The following DLGAP1 variants were observed in gnomAD, a reference collection of about 807,000 sequenced individuals.
DLGAP1 encodes disks large-associated protein 1.
A neutral mutation model predicts 90.8 loss-of-function variants in DLGAP1; 11 were observed. The ratio of observed to expected loss-of-function variants is 0.12; its 90% CI spans 0.08 to 0.20. DLGAP1 has a LOEUF of 0.20. DLGAP1 is among the 10% of genes least tolerant of loss of function. The pLI is 1.00. For synonymous variants in DLGAP1, 558 were observed against 540.7 expected, an observed-to-expected ratio of 1.03 and a Z score of -0.44; for missense variants, 1,050 against 1,333.8, an observed-to-expected ratio of 0.79 and a Z score of 3.31.
At chr18:3,609,209 A>AT (rs2057475369) in intron 7 of DLGAP1, among the ~76,000 whole-genome samples, 1 of 152,070 alleles carries the variant, frequency 6.6e-6, no homozygotes, top group South Asian at 2.1e-4. Flanking sequence ...ACAACCAGCC[A>AT]ATTTTTAAAC....
intron 2 of DLGAP1, among the ~76,000 whole-genome samples, chr18:4,108,561 T>A (rs1256452924): frequency 3.3e-5 from 5 of 151,792 alleles, no homozygotes; most frequent in Non-Finnish European, 2.9e-5. Context: ...CAGTAACATC[T>A]TGTATTTGTC....
intron 5 of DLGAP1, among the ~76,000 whole-genome samples, chr18:3,783,064 T>TA (rs752126710): frequency 4.6e-5 from 7 of 152,202 alleles, no homozygotes; most frequent in Admixed American, 6.5e-5. Flanking sequence ...CTCAAATGGT[T>TA]AGTCATTTGA....
chr18:3,713,945 C>T (rs970643928), intron 7 of DLGAP1, among the ~76,000 whole-genome samples: 2 of 152,124 alleles, frequency 1.3e-5, no homozygotes, highest in African/African-American at 4.8e-5. Flanking sequence ...GTCAGGATTC[C>T]GCCCTATTCT....
At chr18:3,763,828 A>AT (rs1411353600) in intron 5 of DLGAP1, among the ~76,000 whole-genome samples, 2 of 151,770 alleles carry the variant, frequency 1.3e-5, no homozygotes, top group East Asian at 1.9e-4. Context: ...TGCCTGGCTA[A>AT]TTTTTTTATA....
intron 7 of DLGAP1, among the ~76,000 whole-genome samples, chr18:3,695,299 T>C (rs1017214956): frequency 6.6e-6 from 1 of 152,194 alleles, no homozygotes; most frequent in Non-Finnish European, 1.5e-5. Context: ...CTGAATGGTA[T>C]TGACTAGGTT....
At chr18:3,516,566 G>A (rs577618246) in intron 10 of DLGAP1, among the ~76,000 whole-genome samples, 43 of 152,190 alleles carry the variant, frequency 2.8e-4, no homozygotes, top group African/African-American at 9.2e-4. Context: ...CTGTTTTCAC[G>A]CTACTGATAA....
chr18:3,551,373 T>C (rs543543264), intron 9 of DLGAP1, among the ~76,000 whole-genome samples: 78 of 151,902 alleles, frequency 5.1e-4, no homozygotes, highest in Admixed American at 4.4e-3. Flanking sequence ...CTCAGGCTCC[T>C]GAGTAGCTGG....
chr18:4,078,957 T>G (rs2143578031), intron 2 of DLGAP1, among the ~76,000 whole-genome samples: 1 of 152,234 alleles, frequency 6.6e-6, no homozygotes, highest in African/African-American at 2.4e-5. Flanking sequence ...ATTCCCAAAC[T>G]TTGACTGTTT....
At chr18:3,867,340 ACTAGGATTCC>A (rs1014795141) in intron 4 of DLGAP1, among the ~76,000 whole-genome samples, 1 of 152,176 alleles carries the variant, frequency 6.6e-6, no homozygotes, top group Non-Finnish European at 1.5e-5. Context: ...ACAATCTTGG[ACTAGGATTCC>A]CTTCCAAATT....
chr18:4,114,219 T>C (rs1157928303), intron 2 of DLGAP1, among the ~76,000 whole-genome samples: 1 of 152,142 alleles, frequency 6.6e-6, no homozygotes, highest in African/African-American at 2.4e-5. Context: ...ATATTGATAC[T>C]TCCAATACAT....
chr18:4,260,376 G>T (rs1006736419), intron 1 of DLGAP1, among the ~76,000 whole-genome samples: 1 of 152,170 alleles, frequency 6.6e-6, no homozygotes, highest in African/African-American at 2.4e-5. Context: ...CCAACCTGCG[G>T]AAGTATAAGT....
intron 1 of DLGAP1, among the ~76,000 whole-genome samples, chr18:4,391,016 G>T (rs1009480817): frequency 2.9e-4 from 44 of 152,212 alleles, no homozygotes; most frequent in African/African-American, 1.1e-3. Flanking sequence ...ACTGTTACCT[G>T]AATTTAACTT....
intron 5 of DLGAP1, among the ~76,000 whole-genome samples, chr18:3,803,036 C>T (rs1256528188): frequency 1.3e-5 from 2 of 152,180 alleles, no homozygotes; most frequent in African/African-American, 4.8e-5. Context: ...TGTTTAGAAA[C>T]TGACTTTTTG....
At chr18:3,735,421 C>T (rs1327016601) in intron 6 of DLGAP1, among the ~76,000 whole-genome samples, 1 of 152,096 alleles carries the variant, frequency 6.6e-6, no homozygotes, top group Non-Finnish European at 1.5e-5. Flanking sequence ...GAAGGGGTTT[C>T]ACCATATTGG....
At chr18:3,990,931 AT>A (rs898008743) in intron 3 of DLGAP1, among the ~76,000 whole-genome samples, 3 of 151,570 alleles carry the variant, frequency 2.0e-5, no homozygotes, top group Admixed American at 6.6e-5. Context: ...CAAAATGGTT[AT>A]TTTTTTTCTA....
chr18:4,306,671 C>A (rs573459308), intron 1 of DLGAP1, among the ~76,000 whole-genome samples: 2 of 152,084 alleles, frequency 1.3e-5, no homozygotes, highest in Non-Finnish European at 2.9e-5. Context: ...CCAAATGATA[C>A]GGAAGTTTTA....
intron 1 of DLGAP1, among the ~76,000 whole-genome samples, chr18:4,349,851 C>T (rs948880877): frequency 5.9e-5 from 9 of 152,064 alleles, no homozygotes; most frequent in Admixed American, 2.6e-4. Context: ...GAGGCTTACA[C>T]GTGTTATTTA....
intron 10 of DLGAP1, among the ~76,000 whole-genome samples, chr18:3,525,406 T>A (rs1337413249): frequency 1.3e-5 from 2 of 152,200 alleles, no homozygotes; most frequent in South Asian, 2.1e-4. Context: ...ATTTATTTTT[T>A]AATTTATTTT....
At chr18:3,599,775 C>T (rs989943759) in intron 7 of DLGAP1, among the ~76,000 whole-genome samples, 5 of 151,978 alleles carry the variant, frequency 3.3e-5, no homozygotes, top group East Asian at 3.9e-4. Context: ...GGCGCCACCA[C>T]GCCCGGCTAA....
Sources: gnomAD v4.1 joint callset for allele counts (sites outside exome capture counted in the v4.1 genomes callset) on GRCh38, gnomAD v4.1.1 for gene constraint, MANE v1.5 for transcripts, NCBI Gene and HGNC (gene_info 2026-07-23, HGNC 2026-07-21) for gene names.